The following ATP6V1E1 variants were observed in gnomAD, a reference collection of about 807,000 sequenced individuals.
The protein encoded by ATP6V1E1 is V-type proton ATPase subunit E 1.
A neutral mutation model predicts 35.2 loss-of-function variants in ATP6V1E1; 21 were observed. That is an observed-to-expected ratio of 0.60 (90% confidence interval 0.42 to 0.86). The LOEUF (loss-of-function observed/expected upper bound fraction) is 0.86. Ranked by LOEUF, ATP6V1E1 falls within the 40% of genes least tolerant of loss-of-function variation. ATP6V1E1 has a pLI of 0.00. For synonymous variants in ATP6V1E1, 83 were observed against 87.8 expected (o/e 0.95, Z 0.30); for missense variants, 183 against 272.6 (o/e 0.67, Z 2.32).
chr22:17,606,692 C>A (rs938567715), intron 4 of ATP6V1E1, among the ~76,000 whole-genome samples: 14 of 152,182 alleles, frequency 9.2e-5, no homozygotes, highest in Non-Finnish European at 1.9e-4. Context: ...GCCTTCAGCT[C>A]CTCACCTCAC....
intron 1 of ATP6V1E1, among the ~76,000 whole-genome samples, chr22:17,625,968 C>T (rs1165742449): frequency 6.6e-6 from 1 of 151,772 alleles, no homozygotes; most frequent in Non-Finnish European, 1.5e-5. Flanking sequence ...GATACATCTA[C>T]TTGGTGCCAA....
intron 4 of ATP6V1E1, among the ~76,000 whole-genome samples, chr22:17,602,351 A>G (rs1447801393): frequency 1.3e-5 from 2 of 151,822 alleles, no homozygotes; most frequent in African/African-American, 4.8e-5. Context: ...TTAAGTAATA[A>G]GGCTTAAGGG....
chr22:17,604,767 TC>T (rs2057777289), intron 4 of ATP6V1E1, among the ~76,000 whole-genome samples: 1 of 151,998 alleles, frequency 6.6e-6, no homozygotes, highest in African/African-American at 2.4e-5. Flanking sequence ...TCCGCCCTCC[TC>T]GGCCTCCCAA....
intron 4 of ATP6V1E1, among the ~76,000 whole-genome samples, chr22:17,610,826 G>T (rs9605337): frequency 0.35 from 52,905 of 152,028 alleles, 9,542 homozygotes; most frequent in African/African-American, 0.41. Flanking sequence ...AGAAGGAAGG[G>T]TTATCACTGG....
chr22:17,620,806 G>A (rs1328480045), intron 1 of ATP6V1E1, among the ~76,000 whole-genome samples: 1 of 152,232 alleles, frequency 6.6e-6, no homozygotes, highest in East Asian at 1.9e-4. Context: ...GCTCACGCCT[G>A]TAATCCCAGA....
At chr22:17,594,699 G>T in intron 7 of ATP6V1E1, 83 bp from the exon 8 acceptor site, 1 of 1,197,952 alleles carries the variant, frequency 8.3e-7, no homozygotes, top group Non-Finnish European at 1.1e-6. Flanking sequence ...GCAGAGGAAT[G>T]CCCTTGTCTT....
At chr22:17,620,930 C>T (rs1191679774) in intron 1 of ATP6V1E1, among the ~76,000 whole-genome samples, 4 of 152,004 alleles carry the variant, frequency 2.6e-5, no homozygotes, top group African/African-American at 7.3e-5. Flanking sequence ...GGCGTGGTGG[C>T]GGGCGCCTGT....
At chr22:17,605,964 C>A (rs1020336502) in intron 4 of ATP6V1E1, among the ~76,000 whole-genome samples, 2 of 138,630 alleles carry the variant, frequency 1.4e-5, no homozygotes, top group Non-Finnish European at 3.2e-5. Flanking sequence ...CTGGCCTTCT[C>A]CTACTTTTTA....
At chr22:17,617,890 A>T (rs111692548) in intron 2 of ATP6V1E1, among the ~76,000 whole-genome samples, 16,381 of 152,152 alleles carry the variant, frequency 0.11, 1,122 homozygotes, top group Middle Eastern at 0.21. Context: ...GCTGACTGCA[A>T]CCTCTGCATT....
At chr22:17,623,921 T>C (rs1429518521) in intron 1 of ATP6V1E1, among the ~76,000 whole-genome samples, 4 of 152,152 alleles carry the variant, frequency 2.6e-5, no homozygotes, top group Non-Finnish European at 5.9e-5. Context: ...TAGTCAACCC[T>C]TTAAGGACAT....
In ATP6V1E1 at chr22:17,608,060, T is replaced by A. The variant is rs1290600336; in HGVS notation, c.276+4752A>T. Among the ~76,000 whole-genome samples, 4 of 152,320 alleles carry A rather than the reference T, an allele frequency of 2.6e-5. No homozygotes were observed. In the East Asian group the frequency reaches 7.7e-4, roughly 29 times the overall value. On this transcript the variant is annotated intron_variant, in intron 4 of 8. Transcript: ENST00000253413. ...TCCATTCTGTATCCTATCCCATGAC[T>A]AATACTTCAAGTCATGCTCAAACAG...
chr22:17,609,286 G>A (rs1395442735), intron 4 of ATP6V1E1, among the ~76,000 whole-genome samples: 3 of 150,316 alleles, frequency 2.0e-5, no homozygotes, highest in Admixed American at 1.3e-4. Context: ...TCAGCCTCTC[G>A]AGTAGCTGGG....
chr22:17,600,551 C>T (rs1222313645), intron 5 of ATP6V1E1: 2 of 155,492 alleles, frequency 1.3e-5, no homozygotes, highest in African/African-American at 4.8e-5. Flanking sequence ...TGGCATATAT[C>T]ACATAAGACC....
intron 4 of ATP6V1E1, among the ~76,000 whole-genome samples, chr22:17,610,055 C>G (rs2057807644): frequency 6.6e-6 from 1 of 151,922 alleles, no homozygotes; most frequent in Admixed American, 6.6e-5. Flanking sequence ...CTGCTTGAGC[C>G]CAGGAGTTTG....
intron 6 of ATP6V1E1, among the ~76,000 whole-genome samples, chr22:17,599,002 T>A (rs2057747559): frequency 6.6e-6 from 1 of 152,114 alleles, no homozygotes; most frequent in Non-Finnish European, 1.5e-5. Flanking sequence ...GGAAGGCCAT[T>A]CTGACCCACC....
chr22:17,615,705 C>A (rs1489485895), intron 2 of ATP6V1E1, among the ~76,000 whole-genome samples: 2 of 151,992 alleles, frequency 1.3e-5, no homozygotes, highest in Non-Finnish European at 2.9e-5. Flanking sequence ...CGAGACCAGT[C>A]TGGCCAACAT....
intron 7 of ATP6V1E1, among the ~76,000 whole-genome samples, chr22:17,595,987 C>T (rs377026342): frequency 1.7e-3 from 255 of 151,882 alleles, no homozygotes; most frequent in African/African-American, 5.9e-3. Context: ...AAAAAATTAG[C>T]GAGGCATGGT....
chr22:17,618,985 G>GCGAGACTGTCT, intron 2 of ATP6V1E1: 1 of 452,986 alleles, frequency 2.2e-6, no homozygotes, highest in South Asian at 1.6e-5. Context: ...CAGTGACGAA[G>GCGAGACTGTCT]CGAGACTGTC....
chr22:17,602,654 C>T (rs977740218), intron 4 of ATP6V1E1, among the ~76,000 whole-genome samples: 2 of 152,058 alleles, frequency 1.3e-5, no homozygotes, highest in Non-Finnish European at 2.9e-5. Context: ...GGATTACAGG[C>T]GTGAGCCACC....
Sources: gnomAD v4.1 joint callset for allele counts (sites outside exome capture counted in the v4.1 genomes callset) on GRCh38, gnomAD v4.1.1 for gene constraint, MANE v1.5 for transcripts, NCBI Gene and HGNC (gene_info 2026-07-23, HGNC 2026-07-21) for gene names.